INPP4B: variants seen among roughly 807,000 people sequenced by gnomAD.
INPP4B encodes inositol polyphosphate-4-phosphatase type II B, also known as inositol polyphosphate 4-phosphatase type II.
INPP4B carries 55 observed loss-of-function variants against 122.5 expected under a neutral mutation model. The observed-to-expected ratio is 0.45, with a 90% CI of 0.36 to 0.56. INPP4B has a LOEUF of 0.56. Among genes scored for constraint, INPP4B ranks in the 20% least tolerant of loss-of-function variants. The probability of loss-of-function intolerance (pLI) is 0.00; values close to 1 mark genes in which losing one functional copy is unlikely to be tolerated. For missense variants in INPP4B, 1,000 were observed against 1,097.7 expected, an observed-to-expected ratio of 0.91 and a Z score of 1.26; for synonymous variants, 403 against 388.7, an observed-to-expected ratio of 1.04 and a Z score of -0.43.
At chr4:142,285,930 T>C (rs764220983) in intron 9 of INPP4B, among the ~76,000 whole-genome samples, 5 of 152,208 alleles carry the variant, frequency 3.3e-5, no homozygotes, top group African/African-American at 4.8e-5. Flanking sequence ...AAAGTTTCCA[T>C]TTCCTGATTT....
chr4:142,193,080 T>A lies in INPP4B; in HGVS notation c.1181+7A>T. 5 of 1,535,850 alleles carry A rather than the reference T, an allele frequency of 3.3e-6. No homozygotes were observed. The highest frequency in any genetic ancestry group is 4.5e-6 in the Non-Finnish European group (5 of 1,108,884). ...GGAATCTGTGCTTTCCTCCTGTCTT[T>A]ACTTACTTTCTTCTTTCTGTTTCAA... On this transcript the variant is annotated splice_region_variant and intron_variant, in intron 15 of 25. Coordinates refer to ENST00000262992, the MANE Select transcript of INPP4B (RefSeq NM_001101669.3).
intron 7 of INPP4B, among the ~76,000 whole-genome samples, chr4:142,400,164 C>T (rs1316207621): frequency 1.3e-5 from 2 of 152,056 alleles, no homozygotes; most frequent in Non-Finnish European, 2.9e-5. Context: ...TATGAAATGG[C>T]AAAGTAACGT....
Position 142,404,574 on chromosome 4 carries a change from A to C in INPP4B, c.255+632T>G, listed in dbSNP as rs1442487526. Among the ~76,000 whole-genome samples, 3 of 152,224 alleles carry C rather than the reference A, an allele frequency of 2.0e-5. No homozygotes were observed. In the East Asian group the frequency reaches 5.8e-4, roughly 29 times the overall value. On this transcript the variant is annotated intron_variant, in intron 6 of 25. Transcript: ENST00000262992. ...TTGACATTTTGAATGTTATATTAGT[A>C]ATAATAAATGTAAATAGGAAACCTC... is the stretch of plus-strand genomic sequence containing the variant.
intron 2 of INPP4B, among the ~76,000 whole-genome samples, chr4:142,463,473 T>G (rs1364541139): frequency 6.6e-6 from 1 of 152,190 alleles, no homozygotes; most frequent in African/African-American, 2.4e-5. Flanking sequence ...GCTGGGAGTT[T>G]GTTCCTAAAC....
At chr4:142,199,891 C>T (rs1013952942) in intron 14 of INPP4B, among the ~76,000 whole-genome samples, 5 of 152,016 alleles carry the variant, frequency 3.3e-5, no homozygotes, top group African/African-American at 7.2e-5. Flanking sequence ...ACAGTTAATT[C>T]TCCCCTGGAA....
chr4:142,439,141 C>T (rs1811170094), intron 3 of INPP4B, among the ~76,000 whole-genome samples: 1 of 152,156 alleles, frequency 6.6e-6, no homozygotes, highest in Non-Finnish European at 1.5e-5. Context: ...TAGATCGCTC[C>T]AAGTGCCTAC....
chr4:142,198,433 C>T (rs80306096), intron 14 of INPP4B, among the ~76,000 whole-genome samples: 4,512 of 151,700 alleles, frequency 0.03, 205 homozygotes, highest in African/African-American at 0.1. Flanking sequence ...CATTTCTATT[C>T]TTGTTATAGT....
At chr4:142,072,167 T>A (rs1767827400) in intron 25 of INPP4B, among the ~76,000 whole-genome samples, 1 of 152,018 alleles carries the variant, frequency 6.6e-6, no homozygotes, top group South Asian at 2.1e-4. Flanking sequence ...ATAAAAAGGA[T>A]GAGTTCATGT....
intron 11 of INPP4B, among the ~76,000 whole-genome samples, chr4:142,243,074 A>G (rs1860306175): frequency 6.6e-6 from 1 of 152,196 alleles, no homozygotes; most frequent in Non-Finnish European, 1.5e-5. Flanking sequence ...GAGAGGGGAA[A>G]ATGCAAGACG....
At position 142,325,549 on chromosome 4, in the gene INPP4B, A is replaced by G. The variant is rs191501026; in HGVS notation, c.373-10787T>C. Reference sequence around the variant, plus strand: ...TCTTTCAAATGTCAAAGCACACTCTACCAAATTATGTATACAAGTTCATTC... The same window carrying G: ...TCTTTCAAATGTCAAAGCACACTCTGCCAAATTATGTATACAAGTTCATTC... On this transcript the variant is annotated intron_variant, in intron 7 of 25. Transcript: ENST00000262992. Among the ~76,000 whole-genome samples the G allele has an allele frequency of 2.7e-5, 4 of 150,904 alleles. No individual in the cohort carries two copies. In the East Asian group the frequency reaches 7.8e-4, roughly 29 times the overall value.
intron 2 of INPP4B, among the ~76,000 whole-genome samples, chr4:142,560,938 A>G (rs1730338406): frequency 6.6e-6 from 1 of 152,234 alleles, no homozygotes; most frequent in African/African-American, 2.4e-5. Context: ...TTAAAAAACC[A>G]GTCTCACATA....
chr4:142,339,292 C>G (rs1256383109), intron 7 of INPP4B, among the ~76,000 whole-genome samples: 1 of 152,198 alleles, frequency 6.6e-6, no homozygotes, highest in African/African-American at 2.4e-5. Context: ...CTGACTGATA[C>G]AGACTTAATA....
chr4:142,195,987 C>T (rs1440046548), intron 14 of INPP4B, among the ~76,000 whole-genome samples: 1 of 152,170 alleles, frequency 6.6e-6, no homozygotes, highest in African/African-American at 2.4e-5. Flanking sequence ...AGTCTCTATT[C>T]ATCCACCTCA....
chr4:142,600,661 C>T (rs925275358), intron 2 of INPP4B, among the ~76,000 whole-genome samples: 3 of 152,002 alleles, frequency 2.0e-5, no homozygotes, highest in African/African-American at 7.2e-5. Context: ...CACCAGAAAA[C>T]AATTAATAAT....
At chr4:142,495,321 A>T (rs1822401564) in intron 2 of INPP4B, among the ~76,000 whole-genome samples, 1 of 152,040 alleles carries the variant, frequency 6.6e-6, no homozygotes, top group Non-Finnish European at 1.5e-5. Flanking sequence ...TTGAGAAAAA[A>T]TAATTCTCTC....
chr4:142,143,118 A>C (rs1808716251), intron 18 of INPP4B, among the ~76,000 whole-genome samples: 1 of 152,068 alleles, frequency 6.6e-6, no homozygotes, highest in African/African-American at 2.4e-5. Flanking sequence ...AAAACACCAA[A>C]AAACAATTAC....
chr4:142,630,099 G>A (rs1177875519), intron 2 of INPP4B, among the ~76,000 whole-genome samples: 3 of 152,074 alleles, frequency 2.0e-5, no homozygotes, highest in South Asian at 2.1e-4. Flanking sequence ...TAAGCCCAAC[G>A]CGATCAGTAG....
At chr4:142,153,654 A>G (rs916589540) in intron 17 of INPP4B, among the ~76,000 whole-genome samples, 8 of 152,164 alleles carry the variant, frequency 5.3e-5, no homozygotes, top group Non-Finnish European at 1.0e-4. Flanking sequence ...TAGAAGTAAA[A>G]TATCTATTAA....
At chr4:142,558,431 A>C (rs1396304650) in intron 2 of INPP4B, among the ~76,000 whole-genome samples, 2 of 152,108 alleles carry the variant, frequency 1.3e-5, no homozygotes, top group Non-Finnish European at 2.9e-5. Context: ...AAAAAAAAGG[A>C]AAAAAGAAAG....
Sources: allele counts gnomAD v4.1 joint callset (sites outside exome capture counted in the v4.1 genomes callset), GRCh38; gene constraint gnomAD v4.1.1; transcripts MANE v1.5; gene names NCBI Gene and HGNC (gene_info 2026-07-23, HGNC 2026-07-21).